The following MGAM2 variants were observed in gnomAD, a reference collection of about 807,000 sequenced individuals.
The protein encoded by MGAM2 is maltase-glucoamylase 2 (putative), also known as probable maltase-glucoamylase 2.
MGAM2 carries 98 observed loss-of-function variants against 96.1 expected under a neutral mutation model. The observed-to-expected ratio is 1.02, with a 90% CI of 0.87 to 1.21. The LOEUF (loss-of-function observed/expected upper bound fraction) is 1.21. Ranked by LOEUF, MGAM2 falls within the 50% of genes most tolerant of loss-of-function variation. The pLI, the probability that MGAM2 is intolerant of heterozygous loss-of-function variation, is 0.00. For missense variants in MGAM2, 2,055 were observed against 1,182.4 expected, an observed-to-expected ratio of 1.74 and a Z score of -10.82; for synonymous variants, 749 against 414.8, an observed-to-expected ratio of 1.81 and a Z score of -9.79.
In MGAM2 at chr7:142,197,277, A is replaced by C. The variant is rs149471907; in HGVS notation, c.4633-123A>C. On this transcript the variant is annotated intron_variant, in intron 40 of 47. Coordinates refer to ENST00000477922, the MANE Select transcript of MGAM2 (RefSeq NM_001293626.2). ...GCAGAGATGGGGGAAAGGGTAGGCC[A>C]GGAATGAAAGGGTAAGTGGCTTGTA... The C allele has an allele frequency of 1.3e-5, 8 of 617,024 alleles. No individual in the cohort carries two copies. In the East Asian group the frequency reaches 2.2e-4, roughly 17 times the overall value. 38.2% of individuals were successfully genotyped at this position (617,024 alleles called of 1,614,324 possible).
intron 15 of MGAM2, among the ~76,000 whole-genome samples, chr7:142,153,348 A>G (rs1795641105): frequency 6.6e-6 from 1 of 152,244 alleles, no homozygotes; most frequent in Non-Finnish European, 1.5e-5. Flanking sequence ...TTTTATTTAT[A>G]ATACAATGAA....
rs1424184273 is a variant in MGAM2 at position 142,148,300 on chromosome 7, CCCA to C, written c.1634+731_1634+733del. On this transcript the variant is annotated intron_variant, in intron 15 of 47. Coordinates refer to ENST00000477922, the MANE Select transcript of MGAM2 (RefSeq NM_001293626.2). This position sits in a 1 kb window ranked among gnomAD's most constrained non-coding sequence, Gnocchi z 4.2. ...ACAATCACTATCACCATCACCACCA[CCCA>C]CCATGACCACCATTCACCATCACCA... 6.6e-6 allele frequency among the ~76,000 whole-genome samples: 1 copy of C among 151,452 alleles called. No homozygotes were observed. The highest frequency in any genetic ancestry group is 1.5e-5 in the Non-Finnish European group (1 of 67,814).
intron 37 of MGAM2, among the ~76,000 whole-genome samples, chr7:142,194,605 T>C (rs1174087640): frequency 6.6e-6 from 1 of 152,210 alleles, no homozygotes; most frequent in Non-Finnish European, 1.5e-5. Context: ...TACTTCATTA[T>C]GTTTTGTCCA....
intron 46 of MGAM2, among the ~76,000 whole-genome samples, chr7:142,212,434 C>T (rs1338754761): frequency 2.6e-5 from 4 of 152,138 alleles, no homozygotes; most frequent in Non-Finnish European, 4.4e-5. Context: ...TCAAGACCCA[C>T]TGGTGTGCTG....
rs1797890223 is a variant in MGAM2, at chr7:142,220,464, G to A, written c.5953G>A (p.Ala1985Thr). The change falls in exon 48 of 48, where the codon GCA becomes ACA. Residue 1985 changes from alanine to threonine, a missense_variant. By Grantham distance (58) the Ala-to-Thr change is moderately conservative. Transcript: ENST00000477922. ...ATIPITTTPF[A>T]TSTISVTTST... ...TATTCCTATCACAACCACACCTTTTGCAACAAGTACTATTAGTGTTACAAC... is the reference window on the plus strand; with the variant it reads ...TATTCCTATCACAACCACACCTTTTACAACAAGTACTATTAGTGTTACAAC... 1 of 701,274 alleles carries A rather than the reference G, an allele frequency of 1.4e-6. No individual in the cohort carries two copies. The highest frequency in any genetic ancestry group is 1.5e-5 in the South Asian group (1 of 67,536). 43.4% of individuals were successfully genotyped at this position (701,274 alleles called of 1,614,324 possible). A position where few individuals can be genotyped will look rare whatever the true frequency, so the allele number is the denominator to read the frequency against.
At chr7:142,181,610 G>A (rs374794869) in intron 32 of MGAM2, among the ~76,000 whole-genome samples, 52 of 152,158 alleles carry the variant, frequency 3.4e-4, no homozygotes, top group African/African-American at 1.2e-3. Flanking sequence ...CCCCAAGGGC[G>A]TCCCTGACAG....
rs1292319327 is a variant in MGAM2 at position 142,196,600 on chromosome 7, G to A, written c.4515+1G>A. 1 of 724,622 alleles carries A rather than the reference G, an allele frequency of 1.4e-6. No homozygotes were observed. The highest frequency in any genetic ancestry group is 1.9e-5 in the Admixed American group (1 of 51,416). 44.9% of individuals were successfully genotyped at this position (724,622 alleles called of 1,614,324 possible). On this transcript the variant is annotated splice_donor_variant, in intron 39 of 47. Coordinates refer to ENST00000477922, the MANE Select transcript of MGAM2 (RefSeq NM_001293626.2). LOFTEE classifies it high-confidence loss of function. ...GTTCAGTCTCTTTGGAATACCTTAT[G>A]TAAGTCACATTCAGACCATTACTAA...
Position 142,221,348 on chromosome 7 carries a change from T to C in MGAM2, c.6837T>C (p.Thr2279=). 1 of 626,396 alleles carries C rather than the reference T, an allele frequency of 1.6e-6. No homozygotes were observed. Among genetic ancestry groups the C allele is most frequent in the East Asian group, 2.7e-5 (1 of 36,742 alleles). 38.8% of individuals were successfully genotyped at this position (626,396 alleles called of 1,614,324 possible). The part of the protein sequence containing the change: ...VTTPSPSTDA[T]TTSNNTNPGM... ...CTCCTTCTCCAAGTACTGATGCTAC[T>C]ACTACAAGTAATAATACTAATCCTG... Residue 2279 remains threonine, a synonymous_variant, in exon 48 of 48, where the codon ACT becomes ACC. Coordinates refer to ENST00000477922, the MANE Select transcript of MGAM2 (RefSeq NM_001293626.2).
intron 45 of MGAM2, chr7:142,208,151 T>G (rs1269267541): frequency 6.5e-6 from 3 of 459,376 alleles, no homozygotes; most frequent in African/African-American, 6.0e-5. Context: ...AGAGTTGGGA[T>G]TTCAACCCAT....
intron 45 of MGAM2, among the ~76,000 whole-genome samples, chr7:142,201,370 C>T (rs536090412): frequency 6.6e-5 from 10 of 152,122 alleles, no homozygotes; most frequent in African/African-American, 2.4e-4. Flanking sequence ...GTTCCCAGCC[C>T]ATATATAACA....
intron 3 of MGAM2, 89 bp downstream of exon 3, chr7:142,120,470 TGGCTTCTG>T (rs1794533705): frequency 3.1e-6 from 2 of 643,478 alleles, no homozygotes; most frequent in Non-Finnish European, 5.7e-6. Flanking sequence ...GGGGGTGGCA[TGGCTTCTG>T]GGCCTCTGAT....
At chr7:142,138,207 A>T (rs1795117681) in intron 9 of MGAM2, among the ~76,000 whole-genome samples, 1 of 152,208 alleles carries the variant, frequency 6.6e-6, no homozygotes, top group Non-Finnish European at 1.5e-5. Context: ...GGCAGGAGCT[A>T]TGTTTGCTCT....
At chr7:142,132,300 T>TTATATAATTTTATATAATTATATAA (rs1399865420) in intron 6 of MGAM2, among the ~76,000 whole-genome samples, 6 of 147,068 alleles carry the variant, frequency 4.1e-5, no homozygotes, top group African/African-American at 2.5e-5. Context: ...GTTTGCTAAG[T>TTATATAATTTTATATAATTATATAA]TATATAATTT....
intron 22 of MGAM2, 41 bp from the exon 23 acceptor site, chr7:142,161,914 T>C (rs1427911232): frequency 1.5e-6 from 1 of 665,856 alleles, no homozygotes; most frequent in Non-Finnish European, 2.7e-6. Flanking sequence ...CCCTGGCTGA[T>C]TGGCTTCCCA....
rs1392479242 is a variant in MGAM2 at position 142,158,286 on chromosome 7, A to T, written c.2117A>T (p.Gln706Leu). 2.8e-6 allele frequency: 2 copies of T among 702,990 alleles called. No homozygotes were observed. The highest frequency in any genetic ancestry group is 2.3e-4 in the Middle Eastern group (1 of 4,370). The allele number at this position is 702,990 out of a possible 1,614,324, so 43.5% of individuals were successfully genotyped here. The change falls in exon 19 of 48, where the codon CAG becomes CTG. Residue 706 changes from glutamine (Q) to leucine (L), a missense_variant. By Grantham distance (113) the Gln-to-Leu change is moderately radical. Coordinates refer to ENST00000477922, the MANE Select transcript of MGAM2 (RefSeq NM_001293626.2). ...TCAGCCACGTGGGATGTGCATGAGC[A>T]GTTCTTATGGGGACCTGGACTCCTC... ...QDSATWDVHE[Q>L]FLWGPGLLIT... is the part of the protein sequence containing the mutation.
intron 47 of MGAM2, among the ~76,000 whole-genome samples, chr7:142,218,884 T>C (rs1027718732): frequency 6.6e-6 from 1 of 152,090 alleles, no homozygotes; most frequent in Non-Finnish European, 1.5e-5. Context: ...AAGGAAAGGG[T>C]GATTCCCTAA....
chr7:142,212,600 A>C (rs1157839779), intron 46 of MGAM2, among the ~76,000 whole-genome samples: 1 of 152,222 alleles, frequency 6.6e-6, no homozygotes, highest in East Asian at 1.9e-4. Flanking sequence ...ATATCAAAAA[A>C]GACAAAGAAG....
intron 20 of MGAM2, among the ~76,000 whole-genome samples, chr7:142,159,631 G>C (rs1159980764): frequency 1.3e-5 from 2 of 152,120 alleles, no homozygotes; most frequent in African/African-American, 4.8e-5. Flanking sequence ...GGCCCTCTCT[G>C]CTTCACTGAT....
chr7:142,152,168 GT>G (rs1426792584), intron 15 of MGAM2, among the ~76,000 whole-genome samples: 4 of 95,004 alleles, frequency 4.2e-5, no homozygotes, highest in Admixed American at 1.0e-4. Flanking sequence ...CCTTTAAGAT[GT>G]TTAAAAAAAA....
Sources: gnomAD v4.1 joint callset for allele counts (sites outside exome capture counted in the v4.1 genomes callset) on GRCh38, gnomAD v4.1.1 for gene constraint, Gnocchi (gnomAD v3.1) non-coding constraint, MANE v1.5 for transcripts, NCBI Gene and HGNC (gene_info 2026-07-23, HGNC 2026-07-21) for gene names.